Variants in APBA1 observed in about 807,000 individuals in gnomAD.
APBA1 encodes the protein amyloid beta precursor protein binding family A member 1, also known as amyloid-beta A4 precursor protein-binding family A member 1.
APBA1 carries 55 observed loss-of-function variants against 86.6 expected under a neutral mutation model. That is an observed-to-expected ratio of 0.64 (90% CI 0.51 to 0.80). The LOEUF is 0.80. Among genes scored for constraint, APBA1 ranks in the 30% least tolerant of loss-of-function variants. APBA1 has a pLI of 0.00. For missense variants in APBA1, 1,090 were observed against 1,183.0 expected (o/e 0.92, Z 1.15); for synonymous variants, 511 against 493.9 (o/e 1.03, Z -0.46).
chr9:69,471,756 A>G (rs1835369792), intron 3 of APBA1, 61 bp from the exon 4 acceptor site: 1 of 1,310,776 alleles, frequency 7.6e-7, no homozygotes. Context: ...GAATTAACAC[A>G]ATCATCCATG....
In APBA1 at chr9:69,452,144, G is replaced by C. The variant is rs1835020685; in HGVS notation, c.1946C>G (p.Ser649Cys). The C allele has an allele frequency of 1.2e-6, 2 of 1,614,072 alleles. No individual in the cohort carries two copies. The highest frequency in any genetic ancestry group is 2.7e-5 in the African/African-American group (2 of 74,940). Residue 649 changes from serine to cysteine, a missense_variant, in exon 9 of 13, where the codon TCC (serine) becomes TGC (cysteine). Physicochemically the swap from Ser to Cys is moderately radical, Grantham distance 112. This residue lies in a region of APBA1 where 97 missense variants were observed against 166.8 expected (regional missense o/e 0.58). Transcript: ENST00000265381. ...CACATCTTTACAGTTTTCCGACTTG[G>C]AGAAGTGGATCAGGTCATCGTTGTA... ...DMYNDDLIHF[S>C]KSENCKDVFI...
intron 1 of APBA1, among the ~76,000 whole-genome samples, chr9:69,624,196 A>G (rs1822882228): frequency 6.6e-6 from 1 of 152,192 alleles, no homozygotes; most frequent in Admixed American, 6.5e-5. Flanking sequence ...GCACGAATTT[A>G]CAATACAGTG....
intron 1 of APBA1, among the ~76,000 whole-genome samples, chr9:69,645,194 G>C (rs1267976783): frequency 6.6e-6 from 1 of 152,154 alleles, no homozygotes; most frequent in African/African-American, 2.4e-5. Flanking sequence ...AGTATAACTT[G>C]TATGTTTTTT....
chr9:69,516,014 T>A lies in APBA1; in HGVS notation c.1197A>T (p.Gly399=). ...GCCCAAACCCGCACCTACTTACATCTCCGTCCATCGGCCTCTGGTCGTCAC... is the reference window on the plus strand; with the variant it reads ...GCCCAAACCCGCACCTACTTACATCACCGTCCATCGGCCTCTGGTCGTCAC... The part of the protein sequence containing the change: ...RDCDDQRPMD[G]DSPSPGSSSP... Residue 399 remains glycine (G), a synonymous_variant, in exon 2 of 13, where the codon GGA becomes GGT. Transcript: ENST00000265381. The surrounding 1 kb of genome is among the most constrained non-coding windows in gnomAD (Gnocchi z 7.3). 1.3e-6 allele frequency: 2 copies of A among 1,562,330 alleles called. No homozygotes were observed. Among genetic ancestry groups the A allele is most frequent in the Non-Finnish European group, 1.7e-6 (2 of 1,149,244 alleles).
rs760771546 is a variant in APBA1, at chr9:69,476,064, G to A, written c.1280C>T (p.Ala427Val). ...TSLHPSDPVE[A>V]STNKESRKSL... ...GCACCCTACCTCTTTATTAGTGGAC[G>A]CTTCCACAGGGTCACTGGGGTGAAG... The change falls in exon 3 of 13, where the codon GCG (alanine) becomes GTG (valine). Residue 427 changes from alanine (A) to valine (V), a missense_variant. Transcript: ENST00000265381. 11 of 1,614,078 alleles carry A rather than the reference G, an allele frequency of 6.8e-6. No individual in the cohort carries two copies. The East Asian group carries it at 8.9e-5, about 13-fold the overall frequency.
chr9:69,569,245 C>A (rs1013946584), intron 1 of APBA1, among the ~76,000 whole-genome samples: 8 of 152,292 alleles, frequency 5.3e-5, no homozygotes, highest in African/African-American at 1.9e-4. Context: ...CACATCACAT[C>A]CCTGAACTGA....
At chr9:69,606,907 T>C (rs1822487861) in intron 1 of APBA1, among the ~76,000 whole-genome samples, 1 of 152,032 alleles carries the variant, frequency 6.6e-6, no homozygotes, top group Non-Finnish European at 1.5e-5. Context: ...AAGCAGGTAA[T>C]AAAAAGGCAG....
intron 1 of APBA1, among the ~76,000 whole-genome samples, chr9:69,521,115 G>T (rs1836244795): frequency 6.6e-6 from 1 of 152,164 alleles, no homozygotes; most frequent in Non-Finnish European, 1.5e-5. Context: ...TTCTGAAAAT[G>T]AAGAAACAAG....
At chr9:69,647,039 A>G (rs1781254847) in intron 1 of APBA1, among the ~76,000 whole-genome samples, 1 of 152,140 alleles carries the variant, frequency 6.6e-6, no homozygotes, top group Admixed American at 6.5e-5. Flanking sequence ...TTCCCTTTTC[A>G]CTGCCTTGTT....
chr9:69,583,943 G>A (rs1174282260), intron 1 of APBA1, among the ~76,000 whole-genome samples: 1 of 152,232 alleles, frequency 6.6e-6, no homozygotes, highest in Non-Finnish European at 1.5e-5. Flanking sequence ...CATGTAAAGT[G>A]CTTAGCACAG....
intron 5 of APBA1, among the ~76,000 whole-genome samples, chr9:69,467,062 C>A (rs933845925): frequency 6.6e-6 from 1 of 152,162 alleles, no homozygotes; most frequent in Non-Finnish European, 1.5e-5. Flanking sequence ...CATAAACACA[C>A]CTTAAGTGTT....
At chr9:69,579,682 G>A (rs1056354918) in intron 1 of APBA1, among the ~76,000 whole-genome samples, 2 of 152,282 alleles carry the variant, frequency 1.3e-5, no homozygotes, top group African/African-American at 4.8e-5. Flanking sequence ...CACCAAAACC[G>A]TCTTGGTGCT....
intron 1 of APBA1, among the ~76,000 whole-genome samples, chr9:69,562,832 A>C (rs568510636): frequency 6.6e-6 from 1 of 152,350 alleles, no homozygotes; most frequent in South Asian, 2.1e-4. Context: ...AATACAATAC[A>C]ATGCTCTTTT....
intron 1 of APBA1, among the ~76,000 whole-genome samples, chr9:69,658,220 CTCTCTTTCTT>C (rs1460920118): frequency 4.7e-5 from 7 of 148,296 alleles, no homozygotes; most frequent in African/African-American, 1.8e-4. Context: ...CAAGTCCTTT[CTCTCTTTCTT>C]TCTTTCTTTC....
intron 1 of APBA1, among the ~76,000 whole-genome samples, chr9:69,659,715 G>A (rs1266367560): frequency 6.6e-6 from 1 of 152,160 alleles, no homozygotes; most frequent in Non-Finnish European, 1.5e-5. Flanking sequence ...ATAATGATAT[G>A]CACTTTTAAC....
rs982091174 is a variant in APBA1, at chr9:69,430,802, G to A, written c.*525C>T. 1 of 152,864 alleles carries A rather than the reference G, an allele frequency of 6.5e-6. No individual in the cohort carries two copies. Among genetic ancestry groups the A allele is most frequent in the African/African-American group, 2.4e-5 (1 of 41,442 alleles). The allele number at this position is 152,864 out of a possible 1,614,324, so 9.5% of individuals were successfully genotyped here. On this transcript the variant is annotated 3_prime_UTR_variant, in exon 13 of 13. Coordinates refer to ENST00000265381, the MANE Select transcript of APBA1 (RefSeq NM_001163.4). ...GGTTTAAGGTTGGCTCAGAGATTCT[G>A]GGAAGAAATAATGTATGGTGCCCCA...
At chr9:69,615,894 C>A (rs556436645) in intron 1 of APBA1, among the ~76,000 whole-genome samples, 3 of 152,306 alleles carry the variant, frequency 2.0e-5, no homozygotes, top group African/African-American at 2.4e-5. Flanking sequence ...ATTCATCAAA[C>A]TGCTCAATAC....
intron 1 of APBA1, among the ~76,000 whole-genome samples, chr9:69,574,094 T>A (rs1419817821): frequency 6.6e-6 from 1 of 152,204 alleles, no homozygotes; most frequent in Non-Finnish European, 1.5e-5. Context: ...TATCTTCAGA[T>A]AAATGTCTAA....
chr9:69,472,691 A>G (rs1835384808), intron 3 of APBA1: 1 of 152,196 alleles, frequency 6.6e-6, no homozygotes, highest in South Asian at 2.1e-4. Flanking sequence ...TCTGGCACTG[A>G]ATAGCTGTTG....
Sources: gnomAD v4.1 joint callset for allele counts (sites outside exome capture counted in the v4.1 genomes callset) on GRCh38, gnomAD v4.1.1 for gene constraint, gnomAD v4.1.1 regional missense constraint, Gnocchi (gnomAD v3.1) non-coding constraint, MANE v1.5 for transcripts, NCBI Gene and HGNC (gene_info 2026-07-23, HGNC 2026-07-21) for gene names.